Variants in KIAA1217 observed in about 807,000 individuals in gnomAD.
The protein encoded by KIAA1217 is sickle tail protein homolog.
In KIAA1217, 88 loss-of-function variants were observed where a neutral mutation model predicts 163.9. That is an observed-to-expected ratio of 0.54 (90% confidence interval 0.45 to 0.64). The LOEUF is 0.64. Ranked by LOEUF, KIAA1217 falls within the 30% of genes least tolerant of loss-of-function variation. The pLI, the probability that KIAA1217 is intolerant of heterozygous loss-of-function variation, is 0.00. For synonymous variants in KIAA1217, 903 were observed against 923.1 expected (o/e 0.98, Z 0.39); for missense variants, 2,372 against 2,475.0 (o/e 0.96, Z 0.88).
chr10:24,385,053 T>G (rs528632498), intron 3 of KIAA1217, among the ~76,000 whole-genome samples: 1 of 152,290 alleles, frequency 6.6e-6, no homozygotes, highest in South Asian at 2.1e-4. Flanking sequence ...GCCTGTACAC[T>G]GGCACGTGGT....
At chr10:23,940,878 A>G (rs1448548591) in intron 1 of KIAA1217, among the ~76,000 whole-genome samples, 4 of 152,220 alleles carry the variant, frequency 2.6e-5, no homozygotes, top group African/African-American at 7.2e-5. Flanking sequence ...GTAAATATCT[A>G]TTTTACAAAC....
At chr10:23,818,444 T>G (rs1488076558) in intron 1 of KIAA1217, among the ~76,000 whole-genome samples, 4 of 150,414 alleles carry the variant, frequency 2.7e-5, no homozygotes, top group Non-Finnish European at 5.9e-5. Context: ...GTGAAAAATA[T>G]TTTGCATTTA....
chr10:24,542,648 G>A (rs1196457885), intron 17 of KIAA1217, 45 bp from the exon 18 acceptor site: 1 of 1,597,842 alleles, frequency 6.3e-7, no homozygotes. Flanking sequence ...CTTTTTTGGG[G>A]GGATGTGGTT....
chr10:24,050,762 C>T (rs1849445808), intron 2 of KIAA1217, among the ~76,000 whole-genome samples: 1 of 151,992 alleles, frequency 6.6e-6, no homozygotes, highest in Non-Finnish European at 1.5e-5. Flanking sequence ...AGGAAAAAGC[C>T]AGAGTTAGTT....
In KIAA1217 at chr10:24,380,989, C is replaced by T. The variant is rs568149946; in HGVS notation, c.475C>T (p.Pro159Ser). 8 of 1,608,812 alleles carry T rather than the reference C, an allele frequency of 5.0e-6. No individual in the cohort carries two copies. The highest frequency in any genetic ancestry group is 3.3e-5 in the South Asian group (3 of 90,324). ...EAMSEGDAPTPFSRGSRTRAS... is the reference protein window; with the variant it reads ...EAMSEGDAPTSFSRGSRTRAS... ...CATGTCTGAGGGGGATGCTCCAACC[C>T]CTTTTTCCAGAGGCAGCCGGACTCG... Residue 159 changes from proline (P) to serine (S), a missense_variant, in exon 3 of 21, where the codon CCT becomes TCT. By Grantham distance (74) the Pro-to-Ser change is moderately conservative (BLOSUM62 -1). Coordinates refer to ENST00000376454, the MANE Select transcript of KIAA1217 (RefSeq NM_019590.5).
intron 2 of KIAA1217, among the ~76,000 whole-genome samples, chr10:24,353,086 A>G (rs769534128): frequency 6.6e-6 from 1 of 152,052 alleles, no homozygotes; most frequent in Non-Finnish European, 1.5e-5. Flanking sequence ...GGAGGCTGAG[A>G]TAGAGATGTT....
In KIAA1217 at chr10:24,408,647, C is replaced by T. The variant is rs564815228; in HGVS notation, c.554-24348C>T. Among the ~76,000 whole-genome samples, 5 of 152,330 alleles carry T rather than the reference C, an allele frequency of 3.3e-5. No homozygotes were observed. In the South Asian group the frequency reaches 1.0e-3, roughly 32 times the overall value. On this transcript the variant is annotated intron_variant, in intron 3 of 20. Transcript: ENST00000376454. The stretch of plus-strand genomic sequence containing the variant: ...TAATAACCTAGTTTATTGGCAACAA[C>T]CTCAAGGCCTTTGTACTTTCTGTTC...
At chr10:24,144,904 C>A (rs2064239430) in intron 2 of KIAA1217, among the ~76,000 whole-genome samples, 1 of 152,178 alleles carries the variant, frequency 6.6e-6, no homozygotes, top group South Asian at 2.1e-4. Flanking sequence ...ATTTGTATAT[C>A]CTGCTTCTCT....
At chr10:24,199,883 G>A (rs1366988665) in intron 2 of KIAA1217, among the ~76,000 whole-genome samples, 1 of 152,100 alleles carries the variant, frequency 6.6e-6, no homozygotes, top group Non-Finnish European at 1.5e-5. Flanking sequence ...AGGAAAAACA[G>A]GAAATGGCTT....
intron 1 of KIAA1217, among the ~76,000 whole-genome samples, chr10:23,709,055 G>A (rs567540690): frequency 6.6e-6 from 1 of 152,288 alleles, no homozygotes; most frequent in South Asian, 2.1e-4. Flanking sequence ...AAGCAGATGT[G>A]TTGGCTCTTT....
chr10:23,741,881 A>C (rs748612960), intron 1 of KIAA1217, among the ~76,000 whole-genome samples: 4 of 152,186 alleles, frequency 2.6e-5, no homozygotes, highest in Non-Finnish European at 2.9e-5. Flanking sequence ...TAAGAATGAA[A>C]CAAGTGATGG....
At chr10:24,348,516 A>T (rs1488778966) in intron 2 of KIAA1217, among the ~76,000 whole-genome samples, 1 of 152,228 alleles carries the variant, frequency 6.6e-6, no homozygotes, top group Non-Finnish European at 1.5e-5. Context: ...ATCCATTAGG[A>T]AATAAAATTC....
Position 24,422,494 on chromosome 10 carries a change from A to G in KIAA1217, c.554-10501A>G, listed in dbSNP as rs138203784. Among the ~76,000 whole-genome samples the G allele has an allele frequency of 3.3e-5, 5 of 152,334 alleles. No homozygotes were observed. The East Asian group carries it at 7.7e-4, about 24-fold the overall frequency. ...CCTTTGAGATGAAAATGAGGACTCAACTGATGTTGCTACAAGTTCTGTTGT... is the reference window on the plus strand; with the variant it reads ...CCTTTGAGATGAAAATGAGGACTCAGCTGATGTTGCTACAAGTTCTGTTGT... On this transcript the variant is annotated intron_variant, in intron 3 of 20. Transcript: ENST00000376454.
At chr10:24,455,599 G>A (rs1044641473) in intron 5 of KIAA1217, among the ~76,000 whole-genome samples, 7 of 152,244 alleles carry the variant, frequency 4.6e-5, no homozygotes, top group Admixed American at 6.5e-5. Context: ...TAATTAGTTC[G>A]GCTTCCTCTT....
chr10:24,260,680 G>A (rs775241115), intron 2 of KIAA1217, among the ~76,000 whole-genome samples: 1 of 151,198 alleles, frequency 6.6e-6, no homozygotes, highest in Non-Finnish European at 1.5e-5. Flanking sequence ...AGGAGTTCGA[G>A]GCTGCAGTGA....
rs183414339 is a variant in KIAA1217, at chr10:24,067,911, C to G, written c.-171+60537C>G. ...CTCAGACTGCTGTGCTAGCAATGAG[C>G]GAGGCTCCATGGGTGTAGGACCCTC... On this transcript the variant is annotated intron_variant, in intron 2 of 18. Transcript: ENST00000376462. Among the ~76,000 whole-genome samples the G allele has an allele frequency of 5.5e-3, 836 of 152,242 alleles. 6 individuals are homozygous for G. The highest frequency in any genetic ancestry group is 0.019 in the African/African-American group (772 of 41,548).
At chr10:24,230,497 G>GTTTTTTTTT (rs1466924722) in intron 2 of KIAA1217, among the ~76,000 whole-genome samples, 1 of 48,280 alleles carries the variant, frequency 2.1e-5, no homozygotes, top group African/African-American at 8.5e-5. Context: ...ACTACTATTT[G>GTTTTTTTTT]TTTTGTTTTT....
intron 9 of KIAA1217, among the ~76,000 whole-genome samples, chr10:24,502,124 G>T (rs145363706): frequency 6.6e-6 from 1 of 151,786 alleles, no homozygotes; most frequent in East Asian, 1.9e-4. Context: ...GAGAAGAGCC[G>T]AAAGGAGAGG....
At position 24,158,636 on chromosome 10, in the gene KIAA1217, CT is replaced by C. The variant is rs1190141124; in HGVS notation, c.-170-60987del. 7.8e-6 allele frequency: 4 copies of C among 510,718 alleles called. No individual in the cohort carries two copies. The Admixed American group carries it at 8.6e-5, about 11-fold the overall frequency. 31.6% of individuals were successfully genotyped at this position (510,718 alleles called of 1,614,324 possible). A position where few individuals can be genotyped will look rare whatever the true frequency, so the allele number is the denominator to read the frequency against. ...TTCGCCTTTACACCACCAATCAAAACTTTAGGTACACTAGCACAACCTGAAA... is the reference window on the plus strand; with the variant it reads ...TTCGCCTTTACACCACCAATCAAAACTTAGGTACACTAGCACAACCTGAAA... On this transcript the variant is annotated intron_variant, in intron 2 of 18. Transcript: ENST00000376462.
Sources: gnomAD v4.1 joint callset for allele counts (sites outside exome capture counted in the v4.1 genomes callset) on GRCh38, gnomAD v4.1.1 for gene constraint, MANE v1.5 for transcripts, NCBI Gene and HGNC (gene_info 2026-07-23, HGNC 2026-07-21) for gene names.